Variants in GALNS observed in about 807,000 individuals in gnomAD.
The protein encoded by GALNS is N-acetylgalactosamine-6-sulfatase.
GALNS carries 65 observed loss-of-function variants against 65.9 expected under a neutral mutation model. That is an observed-to-expected ratio of 0.99 (90% CI 0.81 to 1.21). The LOEUF (loss-of-function observed/expected upper bound fraction) is 1.21, where lower values mean the gene tolerates loss of function less well. GALNS is among the 50% of genes most tolerant of loss of function. GALNS has a pLI of 0.00. For missense variants in GALNS, 776 were observed against 700.7 expected, an observed-to-expected ratio of 1.11 and a Z score of -1.21; for synonymous variants, 346 against 288.9, an observed-to-expected ratio of 1.20 and a Z score of -2.00.
At chr16:88,834,913 C>T (rs1460793567) in intron 8 of GALNS, among the ~76,000 whole-genome samples, 1 of 152,214 alleles carries the variant, frequency 6.6e-6, no homozygotes, top group Non-Finnish European at 1.5e-5. Context: ...TTCCATGCGG[C>T]CTCCAAAGCC....
At chr16:88,819,427 G>T (rs913731825) in intron 12 of GALNS, among the ~76,000 whole-genome samples, 1 of 152,262 alleles carries the variant, frequency 6.6e-6, no homozygotes, top group Non-Finnish European at 1.5e-5. Flanking sequence ...TGTTTCTGCA[G>T]GATTCTGTGG....
At chr16:88,837,343 G>A (rs942786994) in intron 5 of GALNS, among the ~76,000 whole-genome samples, 56 of 152,302 alleles carry the variant, frequency 3.7e-4, no homozygotes, top group African/African-American at 1.2e-3. Flanking sequence ...AGGGCAGACC[G>A]TGTGGGCTCG....
At chr16:88,853,292 A>G (rs1330665434) in intron 1 of GALNS, among the ~76,000 whole-genome samples, 1 of 151,740 alleles carries the variant, frequency 6.6e-6, no homozygotes, top group African/African-American at 2.4e-5. Flanking sequence ...AAAGCCCCCA[A>G]ATGATTGTCC....
chr16:88,817,719 G>A (rs1185324126), intron 13 of GALNS, among the ~76,000 whole-genome samples: 2 of 152,234 alleles, frequency 1.3e-5, no homozygotes, highest in East Asian at 1.9e-4. Flanking sequence ...GCAGGAGAGG[G>A]GCCTTGGAGC....
rs1458795670 is a variant in GALNS, at chr16:88,840,979, C to T, written c.422+13G>A. The T allele has an allele frequency of 6.2e-7, 1 of 1,606,780 alleles. No homozygotes were observed. The highest frequency in any genetic ancestry group is 8.5e-7 in the Non-Finnish European group (1 of 1,174,078). On this transcript the variant is annotated intron_variant, in intron 4 of 13. Coordinates refer to ENST00000268695, the MANE Select transcript of GALNS (RefSeq NM_000512.5). ...GAGCAGGACGCCTGGGCAGGCGTGG[C>T]CAGGAGACTTACCACTTGCCGACAA...
rs1377189258 is a variant in GALNS at position 88,814,211 on chromosome 16, CGAG to C, written c.*225_*227del. The C allele has an allele frequency of 4.9e-6, 3 of 614,754 alleles. No homozygotes were observed. Among genetic ancestry groups the C allele is most frequent in the African/African-American group, 1.8e-5 (1 of 54,248 alleles). 38.1% of individuals were successfully genotyped at this position (614,754 alleles called of 1,614,324 possible). A position where few individuals can be genotyped will look rare whatever the true frequency, so the allele number is the denominator to read the frequency against. On this transcript the variant is annotated 3_prime_UTR_variant, in exon 14 of 14. Transcript: ENST00000268695. ...GTCCTGAGGTCTGAGGCGCCGTGGGCGAGGAGGAGGGTCCTGAAATCTGAGGCG... is the reference window on the plus strand; with the variant it reads ...GTCCTGAGGTCTGAGGCGCCGTGGGCGAGGAGGGTCCTGAAATCTGAGGCG...
intron 1 of GALNS, among the ~76,000 whole-genome samples, chr16:88,852,771 G>A (rs988952962): frequency 1.3e-5 from 2 of 152,216 alleles, no homozygotes; most frequent in African/African-American, 4.8e-5. Flanking sequence ...CGATCTAGTG[G>A]AAGAAAGGGT....
At chr16:88,820,214 C>T (rs916483077) in intron 12 of GALNS, among the ~76,000 whole-genome samples, 21 of 152,116 alleles carry the variant, frequency 1.4e-4, no homozygotes, top group African/African-American at 4.3e-4. Context: ...CTGCAACCTC[C>T]GCCTCCTGGG....
rs1967737041 is a variant in GALNS at position 88,855,176 on chromosome 16, TTTCGACAAGTC to T, written c.120+1571_120+1581del. The T allele has an allele frequency of 2.1e-5, 14 of 665,570 alleles. 1 individual carries two copies. The South Asian group carries it at 2.1e-4, about 10-fold the overall frequency. The allele number at this position is 665,570 out of a possible 1,614,324, so 41.2% of individuals were successfully genotyped here. On this transcript the variant is annotated intron_variant, in intron 1 of 13. Transcript: ENST00000268695. ...TTAACCCAACATAACCAAAATATTA[TTTCGACAAGTC>T]TTCAACATAAAAAATTATTCATGAG...
intron 13 of GALNS, among the ~76,000 whole-genome samples, chr16:88,817,684 G>C (rs1350006057): frequency 1.3e-5 from 2 of 152,206 alleles, no homozygotes; most frequent in Non-Finnish European, 2.9e-5. Flanking sequence ...CACGCGCCCT[G>C]CTGTCCCTCA....
At chr16:88,815,959 CCT>C in intron 13 of GALNS, 1 of 985,444 alleles carries the variant, frequency 1.0e-6, no homozygotes, top group Non-Finnish European at 1.2e-6. Context: ...CCACTGAGCC[CCT>C]CTCCTGGGGC....
chr16:88,851,994 G>C (rs1338668838), intron 1 of GALNS, among the ~76,000 whole-genome samples: 1 of 152,234 alleles, frequency 6.6e-6, no homozygotes, highest in East Asian at 1.9e-4. Context: ...TGACAGCTCT[G>C]AAGAGAGCAG....
intron 9 of GALNS, 128 bp from the exon 10 acceptor site, chr16:88,826,966 G>A (rs987735559): frequency 1.9e-5 from 22 of 1,133,642 alleles, no homozygotes; most frequent in East Asian, 1.8e-4. Flanking sequence ...ATGCTCACAC[G>A]CCCACAGCAG....
At chr16:88,837,935 G>C (rs963709519) in intron 4 of GALNS, 170 bp from the exon 5 acceptor site, 15 of 671,904 alleles carry the variant, frequency 2.2e-5, no homozygotes, top group Non-Finnish European at 3.3e-5. Context: ...GGCCTCACCC[G>C]AGGAGGGTGC....
intron 1 of GALNS, among the ~76,000 whole-genome samples, chr16:88,847,555 A>C (rs1967306182): frequency 6.6e-6 from 1 of 152,134 alleles, no homozygotes; most frequent in African/African-American, 2.4e-5. Flanking sequence ...GGGCCCTTGT[A>C]AAGTTTCCAC....
At chr16:88,853,530 C>T (rs1037080328) in intron 1 of GALNS, among the ~76,000 whole-genome samples, 8 of 152,204 alleles carry the variant, frequency 5.3e-5, no homozygotes, top group Non-Finnish European at 1.0e-4. Flanking sequence ...CCTGACTCTC[C>T]ACTTCCTCTG....
intron 9 of GALNS, among the ~76,000 whole-genome samples, chr16:88,830,254 A>C (rs1423298972): frequency 6.6e-6 from 1 of 150,894 alleles, no homozygotes; most frequent in African/African-American, 2.4e-5. Flanking sequence ...AAAAAAAAAA[A>C]AACGTGGAAC....
At chr16:88,820,947 G>T (rs1910146867) in intron 12 of GALNS, among the ~76,000 whole-genome samples, 1 of 152,142 alleles carries the variant, frequency 6.6e-6, no homozygotes, top group African/African-American at 2.4e-5. Context: ...CCAGCTGGGG[G>T]GGCTGTTGGC....
At chr16:88,831,879 G>A in intron 9 of GALNS, 119 bp downstream of exon 9, 1 of 813,684 alleles carries the variant, frequency 1.2e-6, no homozygotes. Context: ...GCGTGGGGAG[G>A]AGAGCGGTGA....
Sources: allele counts gnomAD v4.1 joint callset (sites outside exome capture counted in the v4.1 genomes callset), GRCh38; gene constraint gnomAD v4.1.1; transcripts MANE v1.5; gene names NCBI Gene and HGNC (gene_info 2026-07-23, HGNC 2026-07-21).